Variants in CRMP1 observed in about 807,000 individuals in gnomAD.
CRMP1 encodes the protein collapsin response mediator protein 1.
CRMP1 carries 19 observed loss-of-function variants against 68.3 expected under a neutral mutation model. The ratio of observed to expected loss-of-function variants is 0.28; its 90% CI spans 0.19 to 0.41. The LOEUF (loss-of-function observed/expected upper bound fraction) is 0.41. Ranked by LOEUF, CRMP1 falls within the 10% of genes least tolerant of loss-of-function variation. The pLI, the probability that CRMP1 is intolerant of heterozygous loss-of-function variation, is 1.00. For synonymous variants in CRMP1, 439 were observed against 399.6 expected (o/e 1.10, Z -1.18); for missense variants, 791 against 967.4 (o/e 0.82, Z 2.42).
At chr4:5,874,869 A>G (rs1300131179) in intron 1 of CRMP1, among the ~76,000 whole-genome samples, 3 of 152,176 alleles carry the variant, frequency 2.0e-5, no homozygotes, top group Non-Finnish European at 4.4e-5. Flanking sequence ...ACTAGCTGAG[A>G]GAGAAGCCTG....
At chr4:5,835,833 A>G in intron 11 of CRMP1, 82 bp downstream of exon 11, 1 of 1,334,808 alleles carries the variant, frequency 7.5e-7, no homozygotes, top group Non-Finnish European at 9.7e-7. Context: ...TGGAAAATTC[A>G]TAAATCATTT....
In CRMP1 at chr4:5,836,090, A is replaced by C; in HGVS notation, c.1453-5T>G. On this transcript the variant is annotated splice_polypyrimidine_tract_variant and splice_region_variant and intron_variant, in intron 10 of 13. Transcript: ENST00000324989. ...CTCATCCATTTTGCCAGTAGCCTAC[A>C]GGCAAGACCCACAGATGAGAAGAGC... 1 of 1,491,772 alleles carries C rather than the reference A, an allele frequency of 6.7e-7. No individual in the cohort carries two copies. Among genetic ancestry groups the C allele is most frequent in the Non-Finnish European group, 8.9e-7 (1 of 1,122,742 alleles). 92.4% of individuals were successfully genotyped at this position (1,491,772 alleles called of 1,614,324 possible). A position where few individuals can be genotyped will look rare whatever the true frequency, so the allele number is the denominator to read the frequency against.
At position 5,881,531 on chromosome 4, in the gene CRMP1, T is replaced by C. The variant is rs1448096512; in HGVS notation, c.381+11058A>G. 6.6e-6 allele frequency among the ~76,000 whole-genome samples: 1 copy of C among 152,190 alleles called. No homozygotes were observed. Among genetic ancestry groups the C allele is most frequent in the Non-Finnish European group, 1.5e-5 (1 of 68,016 alleles). On this transcript the variant is annotated intron_variant, in intron 1 of 13. Coordinates refer to ENST00000324989, the MANE Select transcript of CRMP1 (RefSeq NM_001014809.3). This position sits in a 1 kb window ranked among gnomAD's most constrained non-coding sequence, Gnocchi z 4.6. Reference sequence around the variant, plus strand: ...TATCATAGCTCTGATTGCACTTGGTTACCATTCAGCACCGTGGTGCTGTCC... The same window carrying C: ...TATCATAGCTCTGATTGCACTTGGTCACCATTCAGCACCGTGGTGCTGTCC...
At chr4:5,887,554 G>A (rs1715678823) in intron 1 of CRMP1, 35 of 985,072 alleles carry the variant, frequency 3.6e-5, no homozygotes, top group South Asian at 4.7e-5. Flanking sequence ...ACCCAGGGAC[G>A]CAGCCCGGCT....
intron 5 of CRMP1, 36 bp from the exon 6 acceptor site, chr4:5,849,508 A>C: frequency 4.0e-6 from 1 of 250,700 alleles, no homozygotes; most frequent in South Asian, 1.1e-4. Context: ...TGTGAGATTT[A>C]AAAAAAAAAA....
rs115107664 is a variant in CRMP1, at chr4:5,859,223, C to T, written c.655+1803G>A. 0.027 allele frequency among the ~76,000 whole-genome samples: 4,053 copies of T among 152,248 alleles called. 198 individuals carry two copies. The highest frequency in any genetic ancestry group is 0.091 in the African/African-American group (3,766 of 41,532). On this transcript the variant is annotated intron_variant, in intron 3 of 13. Transcript: ENST00000324989. This position sits in a 1 kb window ranked among gnomAD's most constrained non-coding sequence, Gnocchi z 5.2. ...TCTGTTGAATGAAGATGGGGAAGGG[C>T]GGGGACCCTTTCAGAGCCCTGGACT...
rs1481543989 is a variant in CRMP1, at chr4:5,843,230, C to G, written c.964-69G>C. The G allele has an allele frequency of 6.5e-7, 1 of 1,543,918 alleles. No individual in the cohort carries two copies. Among genetic ancestry groups the G allele is most frequent in the Non-Finnish European group, 9.0e-7 (1 of 1,117,244 alleles). ...AGCTGGGAGAAGTGACTCCTCCAAC[C>G]CCCTGGTTAGACAGAGGGGGCAGCT... is the stretch of plus-strand genomic sequence containing the variant. On this transcript the variant is annotated intron_variant, in intron 6 of 13. Transcript: ENST00000324989. The surrounding 1 kb of genome is among the most constrained non-coding windows in gnomAD (Gnocchi z 4.1).
chr4:5,847,508 G>C (rs1712311394), intron 6 of CRMP1, among the ~76,000 whole-genome samples: 1 of 152,202 alleles, frequency 6.6e-6, no homozygotes. Flanking sequence ...GTGTGGGCTG[G>C]ATGCAGTGAC....
chr4:5,825,702 T>C lies in CRMP1; in HGVS notation c.1804-43A>G, dbSNP rs1357527756. On this transcript the variant is annotated intron_variant, in intron 12 of 13. Transcript: ENST00000324989. The surrounding 1 kb of genome is among the most constrained non-coding windows in gnomAD (Gnocchi z 4.4). ...GAGTGTGATTGATCGACACTGTGCATGTGTGCCCTTCTGGGCAGATAAAGC... is the reference window on the plus strand; with the variant it reads ...GAGTGTGATTGATCGACACTGTGCACGTGTGCCCTTCTGGGCAGATAAAGC... 3 of 1,597,994 alleles carry C rather than the reference T, an allele frequency of 1.9e-6. No homozygotes were observed. The highest frequency in any genetic ancestry group is 1.7e-5 in the Admixed American group (1 of 57,202).
rs115016543 is a variant in CRMP1, at chr4:5,876,401, C to T, written c.382-9645G>A. On this transcript the variant is annotated intron_variant, in intron 1 of 13. Transcript: ENST00000324989. ...AGAGGTGGGTGTCAACATAGGGTCT[C>T]AGAGGCCACGCAAATTCAGATGAGG... is the stretch of plus-strand genomic sequence containing the variant. Among the ~76,000 whole-genome samples, 684 of 152,192 alleles carry T rather than the reference C, an allele frequency of 4.5e-3. 2 individuals carry two copies. The highest frequency in any genetic ancestry group is 0.016 in the African/African-American group (663 of 41,514).
rs762796602 is a variant in CRMP1 at position 5,836,134 on chromosome 4, G to A, written c.1453-49C>T. 38 of 1,383,102 alleles carry A rather than the reference G, an allele frequency of 2.7e-5. No homozygotes were observed. In the East Asian group the frequency reaches 9.9e-4, roughly 36 times the overall value. 85.7% of individuals were successfully genotyped at this position (1,383,102 alleles called of 1,614,324 possible). A position where few individuals can be genotyped will look rare whatever the true frequency, so the allele number is the denominator to read the frequency against. On this transcript the variant is annotated intron_variant, in intron 10 of 13. Coordinates refer to ENST00000324989, the MANE Select transcript of CRMP1 (RefSeq NM_001014809.3). ...GAAGAGCATCTCATAATGGGGCCAG[G>A]AGGAGGGGCAGCTGGGCACAAATGG... is the stretch of plus-strand genomic sequence containing the variant.
Position 5,861,054 on chromosome 4 carries a change from C to A in CRMP1, c.627G>T (p.Ala209=). Residue 209 remains alanine (A), a synonymous_variant, in exon 3 of 14, where the codon GCG becomes GCT. Transcript: ENST00000324989. The surrounding 1 kb of genome is among the most constrained non-coding windows in gnomAD (Gnocchi z 6.0). The part of the protein sequence containing the change: ...AADDFFQGTR[A]ALVGGTTMII... Reference sequence around the variant, plus strand: ...TCATCGTGGTCCCGCCCACCAGTGCCGCCCTGGTCCCTTGGAAGAAGTCAT... The same window carrying A: ...TCATCGTGGTCCCGCCCACCAGTGCAGCCCTGGTCCCTTGGAAGAAGTCAT... The A allele has an allele frequency of 6.2e-7, 1 of 1,614,170 alleles. No individual in the cohort carries two copies. Among genetic ancestry groups the A allele is most frequent in the Non-Finnish European group, 8.5e-7 (1 of 1,180,032 alleles).
rs1339870622 is a variant in CRMP1 at position 5,825,103 on chromosome 4, A to G, written c.1969+391T>C. On this transcript the variant is annotated intron_variant, in intron 13 of 13. Coordinates refer to ENST00000324989, the MANE Select transcript of CRMP1 (RefSeq NM_001014809.3). The surrounding 1 kb of genome is among the most constrained non-coding windows in gnomAD (Gnocchi z 4.4). Reference sequence around the variant, plus strand: ...GTACACTGCAGTGGGTGAACAGGCTAAAGACTTACACAGAGCACATGCCCT... The same window carrying G: ...GTACACTGCAGTGGGTGAACAGGCTGAAGACTTACACAGAGCACATGCCCT... The G allele has an allele frequency of 7.1e-6, 7 of 985,290 alleles. No homozygotes were observed. Among genetic ancestry groups the G allele is most frequent in the Non-Finnish European group, 8.4e-6 (7 of 829,942 alleles). The allele number at this position is 985,290 out of a possible 1,614,324, so 61.0% of individuals were successfully genotyped here. A position where few individuals can be genotyped will look rare whatever the true frequency, so the allele number is the denominator to read the frequency against.
At chr4:5,845,318 G>A (rs1357159157) in intron 6 of CRMP1, among the ~76,000 whole-genome samples, 2 of 152,204 alleles carry the variant, frequency 1.3e-5, no homozygotes, top group Non-Finnish European at 2.9e-5. Flanking sequence ...TCAGGTTACA[G>A]AGACTCTGGC....
Position 5,888,230 on chromosome 4 carries a change from T to C in CRMP1, c.381+4359A>G. The C allele has an allele frequency of 7.8e-7, 1 of 1,277,066 alleles. No homozygotes were observed. The highest frequency in any genetic ancestry group is 9.9e-7 in the Non-Finnish European group (1 of 1,006,308). 79.1% of individuals were successfully genotyped at this position (1,277,066 alleles called of 1,614,324 possible). A position where few individuals can be genotyped will look rare whatever the true frequency, so the allele number is the denominator to read the frequency against. On this transcript the variant is annotated intron_variant, in intron 1 of 13. Coordinates refer to ENST00000324989, the MANE Select transcript of CRMP1 (RefSeq NM_001014809.3). This position sits in a 1 kb window ranked among gnomAD's most constrained non-coding sequence, Gnocchi z 6.4. Reference sequence around the variant, plus strand: ...CGGCGGGGGCGGGGGCCGCTTACCGTGATGTGCGGGATGCTCTTCTTGCCC... The same window carrying C: ...CGGCGGGGGCGGGGGCCGCTTACCGCGATGTGCGGGATGCTCTTCTTGCCC...
At chr4:5,828,976 A>G (rs1288219932) in intron 11 of CRMP1, among the ~76,000 whole-genome samples, 1 of 152,188 alleles carries the variant, frequency 6.6e-6, no homozygotes, top group Non-Finnish European at 1.5e-5. Flanking sequence ...TGTACTGGAC[A>G]TAAAAATAAG....
In CRMP1 at chr4:5,834,399, G is replaced by A. The variant is rs971377320; in HGVS notation, c.1623+1516C>T. Reference sequence around the variant, plus strand: ...TTGTGAGACTGGGCTTGTTATAAAAGCAAATTCAGCGTCCTCTTGATACTT... The same window carrying A: ...TTGTGAGACTGGGCTTGTTATAAAAACAAATTCAGCGTCCTCTTGATACTT... On this transcript the variant is annotated intron_variant, in intron 11 of 13. Coordinates refer to ENST00000324989, the MANE Select transcript of CRMP1 (RefSeq NM_001014809.3). This position sits in a 1 kb window ranked among gnomAD's most constrained non-coding sequence, Gnocchi z 4.3. Among the ~76,000 whole-genome samples, 1 of 152,184 alleles carries A rather than the reference G, an allele frequency of 6.6e-6. No individual in the cohort carries two copies. The highest frequency in any genetic ancestry group is 1.5e-5 in the Non-Finnish European group (1 of 68,032).
chr4:5,892,838 C>T lies in CRMP1; in HGVS notation c.132G>A (p.Glu44=). The T allele has an allele frequency of 7.1e-7, 1 of 1,415,962 alleles. No homozygotes were observed. The highest frequency in any genetic ancestry group is 9.3e-7 in the Non-Finnish European group (1 of 1,073,540). The allele number at this position is 1,415,962 out of a possible 1,614,324, so 87.7% of individuals were successfully genotyped here. Residue 44 remains glutamate, a synonymous_variant, in exon 1 of 14, where the codon GAG becomes GAA. Transcript: ENST00000324989. This position sits in a 1 kb window ranked among gnomAD's most constrained non-coding sequence, Gnocchi z 8.6. ...GMFAAVEGAY[E]NKTIDFDAYS... ...AGGCGTCGAAGTCGATGGTCTTGTTCTCGTAGGCGCCCTCCACCGCGGCGA... is the reference window on the plus strand; with the variant it reads ...AGGCGTCGAAGTCGATGGTCTTGTTTTCGTAGGCGCCCTCCACCGCGGCGA...
At chr4:5,849,315 C>A (rs1055971944) in intron 6 of CRMP1, 77 bp downstream of exon 6, 12 of 1,195,918 alleles carry the variant, frequency 1.0e-5, no homozygotes, top group African/African-American at 1.5e-5. Flanking sequence ...CCTCACTAAC[C>A]AATGCTCTTT....
Sources: allele counts gnomAD v4.1 joint callset (sites outside exome capture counted in the v4.1 genomes callset), GRCh38; gene constraint gnomAD v4.1.1; non-coding constraint Gnocchi (gnomAD v3.1); transcripts MANE v1.5; gene names NCBI Gene and HGNC (gene_info 2026-07-23, HGNC 2026-07-21).